The following MLLT1 variants were observed in gnomAD, a reference collection of about 807,000 sequenced individuals.
MLLT1 encodes protein ENL.
Under a neutral mutation model 55.1 loss-of-function variants are expected in MLLT1, and 11 were observed. The observed-to-expected ratio is 0.20, with a 90% CI of 0.13 to 0.33. The LOEUF (loss-of-function observed/expected upper bound fraction) is 0.33, where lower values mean the gene tolerates loss of function less well. Ranked by LOEUF, MLLT1 falls within the 10% of genes least tolerant of loss-of-function variation. The pLI is 1.00. For missense variants in MLLT1, 536 were observed against 760.6 expected, an observed-to-expected ratio of 0.70 and a Z score of 3.47; for synonymous variants, 323 against 320.1, an observed-to-expected ratio of 1.01 and a Z score of -0.10.
chr19:6,211,899 G>A lies in MLLT1; in HGVS notation c.*1143C>T, dbSNP rs1441580601. 5 of 1,064,230 alleles carry A rather than the reference G, an allele frequency of 4.7e-6. No individual in the cohort carries two copies. The South Asian group carries it at 1.4e-4, about 29-fold the overall frequency. 65.9% of individuals were successfully genotyped at this position (1,064,230 alleles called of 1,614,324 possible). A position where few individuals can be genotyped will look rare whatever the true frequency, so the allele number is the denominator to read the frequency against. ...AGCATGAATTGCGGCGGTGGAGGCC[G>A]GGGCGGGCCAGGCCGCGACCAGAGA... is the stretch of plus-strand genomic sequence containing the variant. On this transcript the variant is annotated 3_prime_UTR_variant, in exon 12 of 12. Transcript: ENST00000252674. This position sits in a 1 kb window ranked among gnomAD's most constrained non-coding sequence, Gnocchi z 4.6.
chr19:6,243,760 T>C (rs2091138434), intron 3 of MLLT1, among the ~76,000 whole-genome samples: 1 of 151,878 alleles, frequency 6.6e-6, no homozygotes, highest in South Asian at 2.1e-4. Context: ...AAGAAGTCAA[T>C]CGGCCGGGCA....
chr19:6,278,076 T>C (rs1362589395), intron 1 of MLLT1, among the ~76,000 whole-genome samples: 1 of 151,952 alleles, frequency 6.6e-6, no homozygotes, highest in Non-Finnish European at 1.5e-5. Flanking sequence ...GGAGGATTCT[T>C]GCCCCCCACC....
Position 6,273,953 on chromosome 19 carries a change from A to C in MLLT1, c.13-3194T>G, listed in dbSNP as rs1568299853. ...TGGAGAGGGGGAGGATGGAAGCACC[A>C]GAACTCCACCGCAGTGGCCAAAGTA... On this transcript the variant is annotated intron_variant, in intron 1 of 11. Transcript: ENST00000252674. This position sits in a 1 kb window ranked among gnomAD's most constrained non-coding sequence, Gnocchi z 4.3. Among the ~76,000 whole-genome samples the C allele has an allele frequency of 6.6e-6, 1 of 152,268 alleles. No homozygotes were observed. Among genetic ancestry groups the C allele is most frequent in the Non-Finnish European group, 1.5e-5 (1 of 68,052 alleles).
intron 3 of MLLT1, among the ~76,000 whole-genome samples, chr19:6,236,717 C>T (rs77414006): frequency 0.03 from 4,610 of 152,228 alleles, 221 homozygotes; most frequent in African/African-American, 0.11. Flanking sequence ...CAGGGGGCTG[C>T]GGACCCCTTC....
In MLLT1 at chr19:6,273,812, C is replaced by T. The variant is rs934046553; in HGVS notation, c.13-3053G>A. ...CTCCTCGGAATCGCTTATTCACTGA[C>T]CCGGCCACTCAGACCTCGGCCGACT... On this transcript the variant is annotated intron_variant, in intron 1 of 11. Coordinates refer to ENST00000252674, the MANE Select transcript of MLLT1 (RefSeq NM_005934.4). The surrounding 1 kb of genome is among the most constrained non-coding windows in gnomAD (Gnocchi z 4.3). Among the ~76,000 whole-genome samples the T allele has an allele frequency of 6.6e-6, 1 of 152,228 alleles. No homozygotes were observed. Among genetic ancestry groups the T allele is most frequent in the Non-Finnish European group, 1.5e-5 (1 of 68,044 alleles).
At chr19:6,242,699 G>A (rs927647038) in intron 3 of MLLT1, among the ~76,000 whole-genome samples, 9 of 152,154 alleles carry the variant, frequency 5.9e-5, no homozygotes, top group Non-Finnish European at 1.0e-4. Flanking sequence ...GGCGTCAGGG[G>A]CAGGGCAAGT....
intron 3 of MLLT1, among the ~76,000 whole-genome samples, chr19:6,247,090 G>A (rs760458917): frequency 6.6e-6 from 1 of 152,156 alleles, no homozygotes; most frequent in Non-Finnish European, 1.5e-5. Context: ...GGGAAGGCGT[G>A]AATGAGCCCG....
rs1357411250 is a variant in MLLT1 at position 6,212,246 on chromosome 19, T to C, written c.*796A>G. ...GAGGACTCGCTGCCCTTTGTAGTGTTGGCTGACCCCCCCGGGAGCCCCGGT... is the reference window on the plus strand; with the variant it reads ...GAGGACTCGCTGCCCTTTGTAGTGTCGGCTGACCCCCCCGGGAGCCCCGGT... On this transcript the variant is annotated 3_prime_UTR_variant, in exon 12 of 12. Transcript: ENST00000252674. The C allele has an allele frequency of 9.4e-7, 1 of 1,065,416 alleles. No individual in the cohort carries two copies. The highest frequency in any genetic ancestry group is 1.6e-5 in the African/African-American group (1 of 60,776). The allele number at this position is 1,065,416 out of a possible 1,614,324, so 66.0% of individuals were successfully genotyped here. A position where few individuals can be genotyped will look rare whatever the true frequency, so the allele number is the denominator to read the frequency against.
chr19:6,217,991 T>A lies in MLLT1; in HGVS notation c.1161A>T (p.Ser387=). The part of the protein sequence containing the change: ...SNSSSSSDSS[S]DSDFEPSQNH... ...TCTGGGATGGCTCGAAGTCTGAGTC[T>A]GAGCTGGAGTCTGAGCTGGAGCTGG... The change falls in exon 7 of 12, where the codon TCA becomes TCT. Residue 387 remains serine, a synonymous_variant. Coordinates refer to ENST00000252674, the MANE Select transcript of MLLT1 (RefSeq NM_005934.4). 6.2e-7 allele frequency: 1 copy of A among 1,606,928 alleles called. No homozygotes were observed. Among genetic ancestry groups the A allele is most frequent in the Non-Finnish European group, 8.5e-7 (1 of 1,176,876 alleles).
chr19:6,272,702 C>T (rs1481628332), intron 1 of MLLT1, among the ~76,000 whole-genome samples: 3 of 152,156 alleles, frequency 2.0e-5, no homozygotes, highest in Non-Finnish European at 4.4e-5. Flanking sequence ...GAGGCCTGGA[C>T]GATGCTGGAT....
intron 3 of MLLT1, chr19:6,259,818 A>G (rs913542298): frequency 6.6e-6 from 1 of 151,616 alleles, no homozygotes; most frequent in African/African-American, 2.4e-5. Flanking sequence ...AAAAAAAAAA[A>G]AACAGAAAAA....
At position 6,226,880 on chromosome 19, in the gene MLLT1, C is replaced by T. The variant is rs79432038; in HGVS notation, c.546+97G>A. ...AAGACGCCAAGGGAGCGAGCAGGTGCGGAAGGCCCAGCCCAGTGGAGGGAG... is the reference window on the plus strand; with the variant it reads ...AAGACGCCAAGGGAGCGAGCAGGTGTGGAAGGCCCAGCCCAGTGGAGGGAG... On this transcript the variant is annotated intron_variant, in intron 5 of 11. Transcript: ENST00000252674. The surrounding 1 kb of genome is among the most constrained non-coding windows in gnomAD (Gnocchi z 6.3). 3.6e-4 allele frequency: 375 copies of T among 1,053,710 alleles called. 2 individuals carry two copies. In the African/African-American group the frequency reaches 5.4e-3, roughly 15 times the overall value. 65.3% of individuals were successfully genotyped at this position (1,053,710 alleles called of 1,614,324 possible).
intron 1 of MLLT1, among the ~76,000 whole-genome samples, chr19:6,279,558 G>A (rs1043946259): frequency 6.6e-6 from 1 of 151,780 alleles, no homozygotes; most frequent in African/African-American, 2.4e-5. Flanking sequence ...TCCGGGCCCG[G>A]CCCGGGTCCC....
intron 3 of MLLT1, among the ~76,000 whole-genome samples, chr19:6,248,683 G>A (rs2091189088): frequency 6.6e-6 from 1 of 152,218 alleles, no homozygotes; most frequent in Non-Finnish European, 1.5e-5. Flanking sequence ...ACAGGCAACA[G>A]TGCAGCATCC....
chr19:6,226,985 C>T lies in MLLT1; in HGVS notation c.538G>A (p.Gly180Ser), dbSNP rs2090962420. 7.5e-6 allele frequency: 12 copies of T among 1,598,998 alleles called. No individual in the cohort carries two copies. Among genetic ancestry groups the T allele is most frequent in the Admixed American group, 1.7e-5 (1 of 57,612 alleles). ...CCTTCCGCCTCACTAACCTTGGAGC[C>T]GTGGGATGGTTTGGTCTTCTTGGGG... ...SDPKKTKPSHGSKDANKESSK... is the reference protein window; with the variant it reads ...SDPKKTKPSHSSKDANKESSK... The change falls in exon 5 of 12, where the codon GGC (glycine) becomes AGC (serine). Residue 180 changes from glycine to serine, a missense_variant. By Grantham distance (56) the Gly-to-Ser change is moderately conservative (BLOSUM62 0). Coordinates refer to ENST00000252674, the MANE Select transcript of MLLT1 (RefSeq NM_005934.4). The surrounding 1 kb of genome is among the most constrained non-coding windows in gnomAD (Gnocchi z 6.3).
intron 3 of MLLT1, among the ~76,000 whole-genome samples, chr19:6,242,886 C>A (rs1233696391): frequency 6.6e-6 from 1 of 152,176 alleles, no homozygotes; most frequent in African/African-American, 2.4e-5. Flanking sequence ...CTCAGATGAC[C>A]CCTCTCCCCA....
intron 3 of MLLT1, among the ~76,000 whole-genome samples, chr19:6,249,859 CAA>C (rs1205244161): frequency 6.6e-6 from 1 of 151,958 alleles, no homozygotes; most frequent in Non-Finnish European, 1.5e-5. Context: ...CTCATCTCTA[CAA>C]AAATACAAAA....
intron 3 of MLLT1, among the ~76,000 whole-genome samples, chr19:6,261,695 C>T (rs944477288): frequency 5.3e-5 from 8 of 151,770 alleles, no homozygotes; most frequent in African/African-American, 1.9e-4. Flanking sequence ...AAAAGAAAAC[C>T]CCCTGGACTC....
Position 6,211,930 on chromosome 19 carries a change from G to A in MLLT1, c.*1112C>T. On this transcript the variant is annotated 3_prime_UTR_variant, in exon 12 of 12. Coordinates refer to ENST00000252674, the MANE Select transcript of MLLT1 (RefSeq NM_005934.4). This position sits in a 1 kb window ranked among gnomAD's most constrained non-coding sequence, Gnocchi z 4.6. ...GGCCAGGCCGCGACCAGAGAGAAAG[G>A]CAGCCTGGGAGGGCCAGCCCGGCCA... The A allele has an allele frequency of 9.4e-7, 1 of 1,065,264 alleles. No individual in the cohort carries two copies. The highest frequency in any genetic ancestry group is 1.1e-6 in the Non-Finnish European group (1 of 879,076). 66.0% of individuals were successfully genotyped at this position (1,065,264 alleles called of 1,614,324 possible). A position where few individuals can be genotyped will look rare whatever the true frequency, so the allele number is the denominator to read the frequency against.
Sources: gnomAD v4.1 joint callset for allele counts (sites outside exome capture counted in the v4.1 genomes callset) on GRCh38, gnomAD v4.1.1 for gene constraint, Gnocchi (gnomAD v3.1) non-coding constraint, MANE v1.5 for transcripts, NCBI Gene and HGNC (gene_info 2026-07-23, HGNC 2026-07-21) for gene names.